The following ZNF804A variants were observed in gnomAD, a reference collection of about 807,000 sequenced individuals.
The protein encoded by ZNF804A is zinc finger protein 804A.
A neutral mutation model predicts 16.5 loss-of-function variants in ZNF804A; 2 were observed. The ratio of observed to expected loss-of-function variants is 0.12; its 90% CI spans 0.05 to 0.38. The LOEUF (loss-of-function observed/expected upper bound fraction) is 0.38. Among genes scored for constraint, ZNF804A ranks in the 10% least tolerant of loss-of-function variants. ZNF804A has a pLI of 0.99. For missense variants in ZNF804A, 1,473 were observed against 1,390.7 expected (o/e 1.06, Z -0.94); for synonymous variants, 534 against 489.6 (o/e 1.09, Z -1.20).
chr2:184,615,649 A>G (rs1691307359), intron 1 of ZNF804A, among the ~76,000 whole-genome samples: 1 of 151,890 alleles, frequency 6.6e-6, no homozygotes, highest in Non-Finnish European at 1.5e-5. Flanking sequence ...CAGGTGATGT[A>G]TTTCATATGA....
intron 2 of ZNF804A, among the ~76,000 whole-genome samples, chr2:184,925,595 G>T (rs1685597363): frequency 6.6e-6 from 1 of 151,734 alleles, no homozygotes; most frequent in Non-Finnish European, 1.5e-5. Context: ...TTGTTTTCTG[G>T]TTTTGTTGTA....
At chr2:184,665,887 A>G (rs543360463) in intron 1 of ZNF804A, among the ~76,000 whole-genome samples, 37 of 152,266 alleles carry the variant, frequency 2.4e-4, no homozygotes, top group South Asian at 8.3e-4. Context: ...CGCCTCCTCT[A>G]TCACATCCCT....
chr2:184,653,110 A>G (rs1336330601), intron 1 of ZNF804A, among the ~76,000 whole-genome samples: 1 of 152,090 alleles, frequency 6.6e-6, no homozygotes, highest in African/African-American at 2.4e-5. Context: ...GGACAAATAC[A>G]CCTTCTCTGA....
intron 1 of ZNF804A, among the ~76,000 whole-genome samples, chr2:184,721,709 C>T (rs920296112): frequency 1.3e-5 from 2 of 151,988 alleles, no homozygotes; most frequent in Non-Finnish European, 1.5e-5. Flanking sequence ...ACAAATGGAA[C>T]GACTGTACGA....
intron 1 of ZNF804A, among the ~76,000 whole-genome samples, chr2:184,719,222 T>C (rs1574178578): frequency 6.6e-6 from 1 of 152,074 alleles, no homozygotes; most frequent in East Asian, 1.9e-4. Context: ...GCAGCTGGGA[T>C]GCAGGGCACC....
intron 1 of ZNF804A, among the ~76,000 whole-genome samples, chr2:184,667,503 A>AT (rs1365794764): frequency 6.6e-6 from 1 of 151,898 alleles, no homozygotes; most frequent in African/African-American, 2.4e-5. Context: ...AGGATCTACT[A>AT]TGTCAAAGAC....
chr2:184,905,784 C>T (rs962076784), intron 2 of ZNF804A, among the ~76,000 whole-genome samples: 1 of 152,054 alleles, frequency 6.6e-6, no homozygotes, highest in Non-Finnish European at 1.5e-5. Flanking sequence ...TCTACTATTG[C>T]TAAATTAGAA....
At chr2:184,687,080 A>G (rs1692648465) in intron 1 of ZNF804A, among the ~76,000 whole-genome samples, 1 of 152,144 alleles carries the variant, frequency 6.6e-6, no homozygotes, top group Admixed American at 6.5e-5. Flanking sequence ...GGGATTTAAT[A>G]AAAAAATTCT....
intron 1 of ZNF804A, among the ~76,000 whole-genome samples, chr2:184,796,964 A>T (rs1269267198): frequency 6.6e-6 from 1 of 152,082 alleles, no homozygotes; most frequent in Non-Finnish European, 1.5e-5. Flanking sequence ...GTTGATTTCC[A>T]GCTTTATTCC....
chr2:184,856,356 A>T (rs1378850791), intron 1 of ZNF804A, among the ~76,000 whole-genome samples: 1 of 152,060 alleles, frequency 6.6e-6, no homozygotes, highest in African/African-American at 2.4e-5. Context: ...TTATCTAAAA[A>T]AAAAAATGAT....
intron 1 of ZNF804A, among the ~76,000 whole-genome samples, chr2:184,737,124 T>C (rs1443861795): frequency 2.6e-5 from 4 of 151,866 alleles, no homozygotes; most frequent in Non-Finnish European, 5.9e-5. Flanking sequence ...TGGCGCGATC[T>C]CGGCTCACTG....
intron 1 of ZNF804A, among the ~76,000 whole-genome samples, chr2:184,638,527 C>A (rs1039748474): frequency 1.3e-5 from 2 of 152,072 alleles, no homozygotes; most frequent in Non-Finnish European, 2.9e-5. Flanking sequence ...TTAGTCAGTA[C>A]AAACTTCAGA....
At chr2:184,782,015 A>T (rs1241310869) in intron 1 of ZNF804A, among the ~76,000 whole-genome samples, 1 of 151,686 alleles carries the variant, frequency 6.6e-6, no homozygotes, top group Non-Finnish European at 1.5e-5. Context: ...TTCCCTCTGT[A>T]TGTATCTGTG....
intron 1 of ZNF804A, among the ~76,000 whole-genome samples, chr2:184,624,848 C>G (rs1394444137): frequency 6.6e-6 from 1 of 152,050 alleles, no homozygotes; most frequent in East Asian, 1.9e-4. Context: ...ATGAGTAACA[C>G]TGCATTACAG....
At chr2:184,727,188 G>T in intron 1 of ZNF804A, among the ~76,000 whole-genome samples, 1 of 151,476 alleles carries the variant, frequency 6.6e-6, no homozygotes, top group Non-Finnish European at 1.5e-5. Context: ...ATAGAATTTC[G>T]CTCCCTCACA....
chr2:184,898,393 T>C (rs1685123115), intron 2 of ZNF804A, among the ~76,000 whole-genome samples: 1 of 132,104 alleles, frequency 7.6e-6, no homozygotes, highest in African/African-American at 3.8e-5. Context: ...TGGAAGTCTG[T>C]GGTAAAAATT....
At chr2:184,861,782 T>C (rs917951379) in intron 1 of ZNF804A, among the ~76,000 whole-genome samples, 3 of 152,298 alleles carry the variant, frequency 2.0e-5, no homozygotes, top group Admixed American at 6.5e-5. Context: ...ATTTTAGTAT[T>C]GGGGGATAGA....
intron 1 of ZNF804A, among the ~76,000 whole-genome samples, chr2:184,714,738 A>G (rs1213605624): frequency 6.6e-6 from 1 of 152,150 alleles, no homozygotes; most frequent in Non-Finnish European, 1.5e-5. Context: ...CTAGATCACA[A>G]AGTCTTGAAA....
At chr2:184,742,294 T>C (rs2105753443) in intron 1 of ZNF804A, among the ~76,000 whole-genome samples, 1 of 152,168 alleles carries the variant, frequency 6.6e-6, no homozygotes, top group East Asian at 1.9e-4. Context: ...GTGTAAGTGT[T>C]TCAATTACCA....
Sources: gnomAD v4.1 joint callset for allele counts (sites outside exome capture counted in the v4.1 genomes callset) on GRCh38, gnomAD v4.1.1 for gene constraint, MANE v1.5 for transcripts, NCBI Gene and HGNC (gene_info 2026-07-23, HGNC 2026-07-21) for gene names.